Variants in SPTA1 observed in about 807,000 individuals in gnomAD.
SPTA1 encodes the protein spectrin alpha, erythrocytic 1, also known as spectrin alpha chain, erythrocytic 1.
In SPTA1, 177 loss-of-function variants were observed where a neutral mutation model predicts 324.7. The ratio of observed to expected loss-of-function variants is 0.55; its 90% confidence interval spans 0.48 to 0.62. SPTA1 has a LOEUF of 0.62. SPTA1 is among the 20% of genes least tolerant of loss of function. The probability of loss-of-function intolerance (pLI) is 0.00; values close to 1 mark genes in which losing one functional copy is unlikely to be tolerated. For missense variants in SPTA1, 3,162 were observed against 2,883.6 expected (o/e 1.10, Z -2.21); for synonymous variants, 1,195 against 1,041.3 (o/e 1.15, Z -2.84).
In SPTA1 at chr1:158,619,233, G is replaced by A. The variant is rs1218502869; in HGVS notation, c.6519C>T (p.Ile2173=). The A allele has an allele frequency of 2.5e-6, 4 of 1,613,868 alleles. No homozygotes were observed. In the African/African-American group the frequency reaches 5.3e-5, roughly 22 times the overall value. Residue 2173 remains isoleucine (I), a synonymous_variant, in exon 45 of 52, where the codon ATC becomes ATT. Transcript: ENST00000643759. The part of the protein sequence containing the change: ...EQNASTFLQW[I]LETRAYFLDG... ...GTAGCATAGCACACCTGGTTTCCAG[G>A]ATCCATTGAAGGAAGGTACTGGCAT...
chr1:158,616,301 T>C (rs903204540), intron 47 of SPTA1, among the ~76,000 whole-genome samples: 3 of 152,214 alleles, frequency 2.0e-5, no homozygotes, highest in African/African-American at 2.4e-5. Context: ...CAAGGTATTA[T>C]TGTAAACTAT....
At chr1:158,637,490 G>A (rs960820692) in intron 36 of SPTA1, among the ~76,000 whole-genome samples, 5 of 152,152 alleles carry the variant, frequency 3.3e-5, no homozygotes, top group Non-Finnish European at 7.3e-5. Flanking sequence ...AATGAGTAAT[G>A]AAACCTTGGT....
At chr1:158,621,560 TAAAC>T (rs1453434855) in intron 43 of SPTA1, among the ~76,000 whole-genome samples, 5 of 152,254 alleles carry the variant, frequency 3.3e-5, no homozygotes, top group African/African-American at 9.6e-5. Flanking sequence ...AATCAGAAAA[TAAAC>T]AAAACTCATT....
At chr1:158,639,834 A>C (rs749608166) in intron 34 of SPTA1, 36 bp downstream of exon 34, 2 of 1,613,802 alleles carry the variant, frequency 1.2e-6, no homozygotes. Flanking sequence ...GTATGTATTA[A>C]ACTCTTGTGT....
chr1:158,640,142 C>T, intron 33 of SPTA1, 135 bp from the exon 34 acceptor site: 1 of 1,073,052 alleles, frequency 9.3e-7, no homozygotes, highest in Non-Finnish European at 1.4e-6. Flanking sequence ...TCATACATTT[C>T]AAACCAGTTA....
intron 43 of SPTA1, among the ~76,000 whole-genome samples, chr1:158,621,758 CAT>C (rs1279103674): frequency 2.0e-5 from 3 of 152,184 alleles, no homozygotes; most frequent in South Asian, 2.1e-4. Flanking sequence ...GACTTTTACT[CAT>C]GTGTTATTTC....
At chr1:158,658,625 A>C (rs1473392899) in intron 18 of SPTA1, among the ~76,000 whole-genome samples, 1 of 152,194 alleles carries the variant, frequency 6.6e-6, no homozygotes, top group Non-Finnish European at 1.5e-5. Flanking sequence ...GTACCATAAC[A>C]AAACAGATCC....
chr1:158,634,565 C>T lies in SPTA1; in HGVS notation c.5543G>A (p.Gly1848Glu). 1 of 1,614,060 alleles carries T rather than the reference C, an allele frequency of 6.2e-7. No individual in the cohort carries two copies. The highest frequency in any genetic ancestry group is 8.5e-7 in the Non-Finnish European group (1 of 1,180,030). The change falls in exon 39 of 52, where the codon GGA becomes GAA. Residue 1848 changes from glycine (G) to glutamate (E), a missense_variant. Transcript: ENST00000643759. ...CACCTGAGTAGCAGCTAATGTATCTCCACAATCTCCTCGGACAGCCAAAGC... is the reference window on the plus strand; with the variant it reads ...CACCTGAGTAGCAGCTAATGTATCTTCACAATCTCCTCGGACAGCCAAAGC... ...KNALAVRGDCGDTLAATQSLL... is the reference protein window; with the variant it reads ...KNALAVRGDCEDTLAATQSLL...
At chr1:158,620,631 A>C in intron 43 of SPTA1, 165 bp from the exon 44 acceptor site, 1 of 783,854 alleles carries the variant, frequency 1.3e-6, no homozygotes, top group South Asian at 1.9e-5. Flanking sequence ...ATGGTTGAAC[A>C]TGTGAGTTAG....
Position 158,653,441 on chromosome 1 carries a change from AT to A in SPTA1, c.3037-17del, listed in dbSNP as rs752212221. The A allele has an allele frequency of 4.3e-6, 7 of 1,613,844 alleles. No individual in the cohort carries two copies. Among genetic ancestry groups the A allele is most frequent in the Non-Finnish European group, 1.7e-6 (2 of 1,179,962 alleles). Reference sequence around the variant, plus strand: ...TCCACCAGTCCTGAAGGGAGAGCAGATCCCCACTCCGTCATTAATTCTTGGA... The same window carrying A: ...TCCACCAGTCCTGAAGGGAGAGCAGACCCCACTCCGTCATTAATTCTTGGA... On this transcript the variant is annotated splice_polypyrimidine_tract_variant and intron_variant, in intron 21 of 51. Transcript: ENST00000643759.
At chr1:158,616,981 AT>A (rs1056014478) in intron 47 of SPTA1, among the ~76,000 whole-genome samples, 1 of 151,728 alleles carries the variant, frequency 6.6e-6, no homozygotes, top group Admixed American at 6.6e-5. Flanking sequence ...CTAGTATTTC[AT>A]TTTTTTGTTA....
At chr1:158,678,662 A>G in intron 5 of SPTA1, 128 bp from the exon 6 acceptor site, 1 of 1,183,082 alleles carries the variant, frequency 8.5e-7, no homozygotes, top group Non-Finnish European at 1.2e-6. Context: ...GTAGCCAGAC[A>G]CTGAACTTCA....
rs1651422048 is a variant in SPTA1 at position 158,640,003 on chromosome 1, T to C, written c.4742A>G (p.Gln1581Arg). Residue 1581 changes from glutamine (Q) to arginine (R), a missense_variant, in exon 34 of 52, where the codon CAA becomes CGA. Gln to Arg is a conservative substitution (Grantham distance 43, BLOSUM62 1). Transcript: ENST00000643759. ...CCAATGTTCCTTCAGCTGTTCCAGT[T>C]GCTCCTAACCCAAGGAGAGTGAGGA... ...CDGNEEAMKE[Q>R]LEQLKEHWDH... is the part of the protein sequence containing the mutation. 3.1e-6 allele frequency: 5 copies of C among 1,613,830 alleles called. No homozygotes were observed. The highest frequency in any genetic ancestry group is 4.2e-6 in the Non-Finnish European group (5 of 1,179,828).
intron 18 of SPTA1, among the ~76,000 whole-genome samples, chr1:158,658,562 C>T (rs1280635556): frequency 2.0e-5 from 3 of 152,206 alleles, no homozygotes; most frequent in African/African-American, 7.2e-5. Context: ...AGTAACATAT[C>T]TCAATATTAC....
At chr1:158,648,357 C>T in intron 26 of SPTA1, 152 bp downstream of exon 26, 3 of 1,182,332 alleles carry the variant, frequency 2.5e-6, no homozygotes, top group African/African-American at 1.5e-5. Flanking sequence ...CATGGTCTTG[C>T]CTTAGGGACA....
At chr1:158,626,265 T>C in intron 41 of SPTA1, 43 bp from the exon 42 acceptor site, 1 of 1,583,894 alleles carries the variant, frequency 6.3e-7, no homozygotes, top group South Asian at 1.1e-5. Flanking sequence ...CATTTGGTCT[T>C]GTTTGAGTCC....
chr1:158,674,577 C>G lies in SPTA1; in HGVS notation c.1211G>C (p.Gly404Ala). The G allele has an allele frequency of 6.2e-7, 1 of 1,614,168 alleles. No homozygotes were observed. Among genetic ancestry groups the G allele is most frequent in the Non-Finnish European group, 8.5e-7 (1 of 1,180,016 alleles). The stretch of plus-strand genomic sequence containing the variant: ...ATGCCTGTCCAGCAGAACTTCTCCA[C>G]CAGCCACATCTGTTGGCAGCTCATC... ...NADELPTDVA[G>A]GEVLLDRHQQ... The change falls in exon 9 of 52, where the codon GGT becomes GCT. Residue 404 changes from glycine to alanine, a missense_variant. Physicochemically the swap from Gly to Ala is moderately conservative, Grantham distance 60. Coordinates refer to ENST00000643759, the MANE Select transcript of SPTA1 (RefSeq NM_003126.4).
At chr1:158,663,406 A>G (rs1653382057) in intron 16 of SPTA1, among the ~76,000 whole-genome samples, 1 of 152,194 alleles carries the variant, frequency 6.6e-6, no homozygotes, top group East Asian at 1.9e-4. Flanking sequence ...CTATGAGATG[A>G]AACGTGATGT....
chr1:158,677,742 A>G lies in SPTA1; in HGVS notation c.905T>C (p.Leu302Pro), dbSNP rs1654493227. 1.2e-6 allele frequency: 2 copies of G among 1,613,742 alleles called. No homozygotes were observed. The highest frequency in any genetic ancestry group is 1.7e-6 in the Non-Finnish European group (2 of 1,179,760). ...CTCAAGTCCCTTGTGACTGTGAAAC[A>G]GTCCTTCAGAGGCAACAAGGTCTTT... ...YGKDLVASEG[L>P]FHSHKGLERN... The change falls in exon 7 of 52, where the codon CTG becomes CCG. Residue 302 changes from leucine to proline, a missense_variant. Transcript: ENST00000643759.
Sources: allele counts gnomAD v4.1 joint callset (sites outside exome capture counted in the v4.1 genomes callset), GRCh38; gene constraint gnomAD v4.1.1; transcripts MANE v1.5; gene names NCBI Gene and HGNC (gene_info 2026-07-23, HGNC 2026-07-21).